The following RPS6KA2 variants were observed in gnomAD, a reference collection of about 807,000 sequenced individuals.
RPS6KA2 encodes ribosomal protein S6 kinase alpha-2.
In RPS6KA2, 42 loss-of-function variants were observed where a neutral mutation model predicts 91.8. That is an observed-to-expected ratio of 0.46 (90% CI 0.36 to 0.59). RPS6KA2 has a LOEUF of 0.59. RPS6KA2 is among the 20% of genes least tolerant of loss of function. The pLI, the probability that RPS6KA2 is intolerant of heterozygous loss-of-function variation, is 0.00. For synonymous variants in RPS6KA2, 414 were observed against 393.6 expected, an observed-to-expected ratio of 1.05 and a Z score of -0.61; for missense variants, 798 against 978.5, an observed-to-expected ratio of 0.82 and a Z score of 2.46.
chr6:166,418,787 C>T lies in RPS6KA2; in HGVS notation c.1821-445G>A, dbSNP rs1311252563. 6.6e-6 allele frequency among the ~76,000 whole-genome samples: 1 copy of T among 152,248 alleles called. No homozygotes were observed. The highest frequency in any genetic ancestry group is 1.5e-5 in the Non-Finnish European group (1 of 68,040). ...CTCCACTGCAAATGCAGAGTGTATG[C>T]ACAAATACACATACATGCTTGGTGC... is the stretch of plus-strand genomic sequence containing the variant. On this transcript the variant is annotated intron_variant, in intron 18 of 20. Transcript: ENST00000265678. This position sits in a 1 kb window ranked among gnomAD's most constrained non-coding sequence, Gnocchi z 4.9.
chr6:166,508,249 A>C lies in RPS6KA2; in HGVS notation c.413T>G (p.Leu138Arg). 6.2e-7 allele frequency: 1 copy of C among 1,613,586 alleles called. No individual in the cohort carries two copies. The highest frequency in any genetic ancestry group is 8.5e-7 in the Non-Finnish European group (1 of 1,179,550). Reference protein sequence around the residue: ...FQTEGKLYLILDFLRGGDLFT... With the variant: ...FQTEGKLYLIRDFLRGGDLFT... ...GAGGTCCCCTCCCCGCAGGAAGTCCAGGATCAGGTAGAGCTTTCCTTCCGT... is the reference window on the plus strand; with the variant it reads ...GAGGTCCCCTCCCCGCAGGAAGTCCCGGATCAGGTAGAGCTTTCCTTCCGT... Residue 138 changes from leucine (L) to arginine (R), a missense_variant, in exon 5 of 21, where the codon CTG becomes CGG. Coordinates refer to ENST00000265678, the MANE Select transcript of RPS6KA2 (RefSeq NM_021135.6). This position sits in a 1 kb window ranked among gnomAD's most constrained non-coding sequence, Gnocchi z 4.3.
At chr6:166,613,168 C>G (rs1003901079) in intron 1 of RPS6KA2, among the ~76,000 whole-genome samples, 1 of 152,162 alleles carries the variant, frequency 6.6e-6, no homozygotes, top group Non-Finnish European at 1.5e-5. Context: ...CTGCTTTTAC[C>G]TGGAATCCTT....
chr6:166,835,552 T>A (rs1298458209), intron 2 of RPS6KA2, among the ~76,000 whole-genome samples: 1 of 152,242 alleles, frequency 6.6e-6, no homozygotes, highest in Non-Finnish European at 1.5e-5. Flanking sequence ...CTCATTTTTG[T>A]TTCCTTTATA....
In RPS6KA2 at chr6:166,475,875, A is replaced by G. The variant is rs1261623338; in HGVS notation, c.908-5970T>C. 6 of 522,642 alleles carry G rather than the reference A, an allele frequency of 1.1e-5. 1 individual carries two copies. Among genetic ancestry groups the G allele is most frequent in the Non-Finnish European group, 1.6e-5 (4 of 254,942 alleles). The allele number at this position is 522,642 out of a possible 1,614,324, so 32.4% of individuals were successfully genotyped here. A position where few individuals can be genotyped will look rare whatever the true frequency, so the allele number is the denominator to read the frequency against. ...TAAGAGAGGAATGAGATGCGTCTGT[A>G]TTTCTGGTAGTCTGGACATGTATAA... On this transcript the variant is annotated intron_variant, in intron 10 of 20. Coordinates refer to ENST00000265678, the MANE Select transcript of RPS6KA2 (RefSeq NM_021135.6).
At chr6:166,636,698 G>A (rs922831811) in intron 2 of RPS6KA2, among the ~76,000 whole-genome samples, 5 of 152,188 alleles carry the variant, frequency 3.3e-5, no homozygotes, top group African/African-American at 4.8e-5. Flanking sequence ...TAGGCACTCC[G>A]TGGATATCTG....
At chr6:166,473,872 T>C (rs957388284) in intron 10 of RPS6KA2, among the ~76,000 whole-genome samples, 34 of 152,132 alleles carry the variant, frequency 2.2e-4, no homozygotes, top group Middle Eastern at 3.4e-3. Flanking sequence ...ATCATTGACT[T>C]AAATACTAGG....
intron 2 of RPS6KA2, among the ~76,000 whole-genome samples, chr6:166,724,661 C>T (rs1406648217): frequency 6.6e-6 from 1 of 152,226 alleles, no homozygotes; most frequent in Non-Finnish European, 1.5e-5. Flanking sequence ...GTTTTCCTGC[C>T]GCCTGTTTCT....
intron 2 of RPS6KA2, among the ~76,000 whole-genome samples, chr6:166,712,341 C>T (rs559534033): frequency 4.6e-5 from 7 of 152,344 alleles, no homozygotes; most frequent in African/African-American, 1.4e-4. Context: ...GCAGGGGCCC[C>T]TCTGGTCCAG....
At chr6:166,779,123 T>C (rs7766940) in intron 2 of RPS6KA2, among the ~76,000 whole-genome samples, 32,777 of 152,146 alleles carry the variant, frequency 0.22, 4,352 homozygotes, top group African/African-American at 0.37. Context: ...GATCAAAACA[T>C]TGAACGTAAT....
chr6:166,535,723 C>T (rs1010606380), intron 2 of RPS6KA2, among the ~76,000 whole-genome samples: 1 of 152,208 alleles, frequency 6.6e-6, no homozygotes, highest in Admixed American at 6.5e-5. Flanking sequence ...CAAGCTTCAC[C>T]ATCTTTCATT....
chr6:166,536,668 C>T (rs1035909878), intron 2 of RPS6KA2, among the ~76,000 whole-genome samples: 4 of 152,198 alleles, frequency 2.6e-5, no homozygotes, highest in African/African-American at 7.2e-5. Context: ...GACCTCCTGC[C>T]CCGCCCCTCA....
At chr6:166,574,427 T>C (rs1441444809) in intron 1 of RPS6KA2, among the ~76,000 whole-genome samples, 2 of 152,254 alleles carry the variant, frequency 1.3e-5, no homozygotes. Context: ...TTTCTGTCCC[T>C]GAATTAATTT....
At chr6:166,686,043 T>C (rs1204110350) in intron 2 of RPS6KA2, among the ~76,000 whole-genome samples, 1 of 152,186 alleles carries the variant, frequency 6.6e-6, no homozygotes, top group Admixed American at 6.5e-5. Context: ...TGAGAACGAA[T>C]GACTGGGATA....
chr6:166,472,467 T>C (rs1405557556), intron 10 of RPS6KA2, among the ~76,000 whole-genome samples: 2 of 152,316 alleles, frequency 1.3e-5, no homozygotes, highest in East Asian at 3.9e-4. Context: ...TTTTGCACCA[T>C]GTTTGTATTT....
intron 1 of RPS6KA2, among the ~76,000 whole-genome samples, chr6:166,540,860 T>G (rs572047065): frequency 6.6e-6 from 1 of 152,312 alleles, no homozygotes; most frequent in Admixed American, 6.5e-5. Context: ...GGTGGCTTCC[T>G]GCACAAAAAA....
intron 2 of RPS6KA2, among the ~76,000 whole-genome samples, chr6:166,810,563 G>A (rs977580138): frequency 4.6e-5 from 7 of 152,148 alleles, no homozygotes; most frequent in African/African-American, 7.2e-5. Context: ...GAGAATCACC[G>A]GTAATCAATG....
intron 19 of RPS6KA2, among the ~76,000 whole-genome samples, chr6:166,417,753 A>G (rs1205051787): frequency 6.6e-6 from 1 of 152,188 alleles, no homozygotes; most frequent in African/African-American, 2.4e-5. Context: ...TAATGTTTTT[A>G]GATGAAAGGC....
rs934428817 is a variant in RPS6KA2, at chr6:166,849,566, G to A, written c.123+8634C>T. On this transcript the variant is annotated intron_variant, in intron 2 of 21. Coordinates refer to the RPS6KA2 transcript ENST00000503859. This position sits in a 1 kb window ranked among gnomAD's most constrained non-coding sequence, Gnocchi z 4.9. ...TGTAGCTGACAGTGGAGGACCCCAG[G>A]CCACCCCCGCCCGTGGAAATCCATG... is the stretch of plus-strand genomic sequence containing the variant. Among the ~76,000 whole-genome samples the A allele has an allele frequency of 6.6e-6, 1 of 152,118 alleles. No individual in the cohort carries two copies. The highest frequency in any genetic ancestry group is 1.5e-5 in the Non-Finnish European group (1 of 68,010).
Position 166,418,341 on chromosome 6 carries a change from A to G in RPS6KA2, c.1822T>C (p.Phe608Leu). The G allele has an allele frequency of 1.2e-6, 2 of 1,608,152 alleles. No individual in the cohort carries two copies. Among genetic ancestry groups the G allele is most frequent in the Non-Finnish European group, 1.7e-6 (2 of 1,176,658 alleles). The change falls in exon 19 of 21, where the codon TTT (phenylalanine) becomes CTT (leucine). Residue 608 changes from phenylalanine to leucine, a missense_variant and splice_region_variant. Coordinates refer to ENST00000265678, the MANE Select transcript of RPS6KA2 (RefSeq NM_021135.6). The surrounding 1 kb of genome is among the most constrained non-coding windows in gnomAD (Gnocchi z 4.9). ...TCTGGCCCATTTGCAAAAGGGGTAA[A>G]TCTGTATAATTAGACAAATTTGTGG... ...GILLYTMLAG[F>L]TPFANGPDDT...
Sources: gnomAD v4.1 joint callset for allele counts (sites outside exome capture counted in the v4.1 genomes callset) on GRCh38, gnomAD v4.1.1 for gene constraint, Gnocchi (gnomAD v3.1) non-coding constraint, MANE v1.5 for transcripts, NCBI Gene and HGNC (gene_info 2026-07-23, HGNC 2026-07-21) for gene names.